The following CHD6 variants were observed in gnomAD, a reference collection of about 807,000 sequenced individuals.
CHD6 encodes the protein chromodomain helicase DNA binding protein 6.
A neutral mutation model predicts 276.9 loss-of-function variants in CHD6; 50 were observed. The observed-to-expected ratio is 0.18, with a 90% CI of 0.14 to 0.23. The LOEUF (loss-of-function observed/expected upper bound fraction) is 0.23, where lower values mean the gene tolerates loss of function less well. Ranked by LOEUF, CHD6 falls within the 10% of genes least tolerant of loss-of-function variation. The pLI, the probability that CHD6 is intolerant of heterozygous loss-of-function variation, is 1.00. For missense variants in CHD6, 2,564 were observed against 3,365.8 expected, an observed-to-expected ratio of 0.76 and a Z score of 5.89; for synonymous variants, 1,173 against 1,229.3, an observed-to-expected ratio of 0.95 and a Z score of 0.96.
intron 3 of CHD6, among the ~76,000 whole-genome samples, chr20:41,518,069 GTTTC>G (rs1388301562): frequency 2.6e-5 from 4 of 152,228 alleles, no homozygotes; most frequent in East Asian, 3.9e-4. Context: ...TTAGAAAAAG[GTTTC>G]TTTGACACAA....
chr20:41,573,603 G>T (rs1285776358), intron 1 of CHD6, among the ~76,000 whole-genome samples: 4 of 152,052 alleles, frequency 2.6e-5, no homozygotes, highest in African/African-American at 9.7e-5. Flanking sequence ...AAGAAAGAGG[G>T]TTAAGACCTA....
intron 1 of CHD6, among the ~76,000 whole-genome samples, chr20:41,612,731 T>C (rs1192373017): frequency 6.6e-6 from 1 of 152,222 alleles, no homozygotes; most frequent in Admixed American, 6.5e-5. Flanking sequence ...CCAAAGTAGA[T>C]AGAGTCCAGA....
chr20:41,586,217 C>T (rs898387784), intron 1 of CHD6, among the ~76,000 whole-genome samples: 10 of 152,166 alleles, frequency 6.6e-5, no homozygotes, highest in Admixed American at 3.3e-4. Flanking sequence ...GTGTTTGTTC[C>T]GGCTCAAGCT....
rs2046959917 is a variant in CHD6, at chr20:41,415,280, G to C, written c.6845C>G (p.Ala2282Gly). ...IVNGSLRRDD[A>G]ATRRRRGRRK... is the part of the protein sequence containing the mutation. The stretch of plus-strand genomic sequence containing the variant: ...CCTCCCTCTCCGCCTCCTCGTGGCT[G>C]CATCATCTCTTCTGAGGCTTCCATT... The change falls in exon 34 of 37, where the codon GCA (alanine) becomes GGA (glycine). Residue 2282 changes from alanine to glycine, a missense_variant. Around this residue, in one of 7 missense-constraint regions of CHD6, gnomAD observed 1,024 missense variants for 1,047.9 expected, o/e 0.98. Transcript: ENST00000373233. The C allele has an allele frequency of 6.2e-7, 1 of 1,614,062 alleles. No individual in the cohort carries two copies. Among genetic ancestry groups the C allele is most frequent in the Non-Finnish European group, 8.5e-7 (1 of 1,180,042 alleles).
chr20:41,578,625 A>G (rs1238175410), intron 1 of CHD6, among the ~76,000 whole-genome samples: 1 of 150,164 alleles, frequency 6.7e-6, no homozygotes, highest in African/African-American at 2.5e-5. Flanking sequence ...GGTCGCAGTG[A>G]GCCGAGATCG....
intron 36 of CHD6, 130 bp downstream of exon 36, chr20:41,412,014 G>T: frequency 7.6e-7 from 1 of 1,319,800 alleles, no homozygotes; most frequent in Non-Finnish European, 1.0e-6. Flanking sequence ...TCCTGTGCTG[G>T]CTTCTAGTCC....
rs199996103 is a variant in CHD6 at position 41,451,098 on chromosome 20, A to G, written c.3531T>C (p.Ser1177=). The change falls in exon 23 of 37, where the codon TCT becomes TCC. Residue 1177 remains serine (S), a synonymous_variant. Coordinates refer to ENST00000373233, the MANE Select transcript of CHD6 (RefSeq NM_032221.5). The part of the protein sequence containing the change: ...AQTLQNHSGL[S]APVPRGRKGK... ...CCTTCCTCCCTCTGGGGACTGGGGC[A>G]GATAAGCCTGAAACAGAAAGACAGC... The G allele has an allele frequency of 4.0e-5, 65 of 1,613,616 alleles. No homozygotes were observed. Among genetic ancestry groups the G allele is most frequent in the Admixed American group, 1.5e-4 (9 of 60,004 alleles).
intron 24 of CHD6, among the ~76,000 whole-genome samples, chr20:41,447,125 T>C (rs1207587267): frequency 6.6e-6 from 1 of 152,226 alleles, no homozygotes; most frequent in African/African-American, 2.4e-5. Context: ...GGGTTGTCTA[T>C]GTCCCTCTCT....
At chr20:41,477,155 T>C (rs942866093) in intron 16 of CHD6, among the ~76,000 whole-genome samples, 12 of 152,098 alleles carry the variant, frequency 7.9e-5, no homozygotes, top group Admixed American at 7.9e-4. Flanking sequence ...GTGGGAGGAT[T>C]GCTTGGGCCC....
chr20:41,473,467 G>A lies in CHD6; in HGVS notation c.2519C>T (p.Ala840Val). The A allele has an allele frequency of 6.2e-7, 1 of 1,614,108 alleles. No homozygotes were observed. Among genetic ancestry groups the A allele is most frequent in the Non-Finnish European group, 8.5e-7 (1 of 1,180,006 alleles). Residue 840 changes from alanine (A) to valine (V), a missense_variant, in exon 17 of 37, where the codon GCA (alanine) becomes GTA (valine). Coordinates refer to ENST00000373233, the MANE Select transcript of CHD6 (RefSeq NM_032221.5). This position sits in a 1 kb window ranked among gnomAD's most constrained non-coding sequence, Gnocchi z 4.1. The part of the protein sequence containing the change: ...DGRVRGNLRQ[A>V]AIDRFCKPDS... ...TGGCTTACAGAACCGGTCGATGGCT[G>A]CCTGGCGCAGGTTTCCCCGTACTCG...
At chr20:41,555,096 C>T (rs2045205260) in intron 1 of CHD6, among the ~76,000 whole-genome samples, 1 of 140,252 alleles carries the variant, frequency 7.1e-6, no homozygotes. Context: ...GGGCGGCTTG[C>T]CGGGCGGGGG....
At chr20:41,521,565 A>C (rs1429106027) in intron 3 of CHD6, among the ~76,000 whole-genome samples, 1 of 152,174 alleles carries the variant, frequency 6.6e-6, no homozygotes, top group East Asian at 1.9e-4. Context: ...ATGTGTGTAG[A>C]TATATGTATA....
In CHD6 at chr20:41,402,969, A is replaced by C. The variant is rs2046573030; in HGVS notation, c.*1624T>G. 4.8e-6 allele frequency: 1 copy of C among 207,944 alleles called. No homozygotes were observed. Among genetic ancestry groups the C allele is most frequent in the Non-Finnish European group, 9.8e-6 (1 of 101,876 alleles). The allele number at this position is 207,944 out of a possible 1,614,324, so 12.9% of individuals were successfully genotyped here. A position where few individuals can be genotyped will look rare whatever the true frequency, so the allele number is the denominator to read the frequency against. On this transcript the variant is annotated 3_prime_UTR_variant, in exon 37 of 37. Coordinates refer to ENST00000373233, the MANE Select transcript of CHD6 (RefSeq NM_032221.5). ...CTCTGATTCATAAAACTGGGACTCC[A>C]CTTTTTGAAGATACATCTGATTGAT... is the stretch of plus-strand genomic sequence containing the variant.
chr20:41,543,858 T>G (rs1378320855), intron 2 of CHD6, among the ~76,000 whole-genome samples: 1 of 152,170 alleles, frequency 6.6e-6, no homozygotes, highest in East Asian at 1.9e-4. Context: ...ACAAACCATA[T>G]CAAAATGAAA....
At chr20:41,427,400 T>C (rs2047400211) in intron 27 of CHD6, among the ~76,000 whole-genome samples, 1 of 152,202 alleles carries the variant, frequency 6.6e-6, no homozygotes, top group Admixed American at 6.5e-5. Context: ...ACCTTTTACA[T>C]GGCTCATCTC....
intron 1 of CHD6, among the ~76,000 whole-genome samples, chr20:41,607,984 C>A (rs1015440986): frequency 1.3e-5 from 2 of 152,104 alleles, no homozygotes; most frequent in Admixed American, 1.3e-4. Context: ...TACTATGTGT[C>A]CTTAAGGAAG....
At chr20:41,424,103 A>T (rs2047285010) in intron 29 of CHD6, among the ~76,000 whole-genome samples, 1 of 152,180 alleles carries the variant, frequency 6.6e-6, no homozygotes, top group East Asian at 1.9e-4. Flanking sequence ...GGCAATATAG[A>T]AGCAGAGAAT....
At chr20:41,464,787 G>C (rs1047369702) in intron 17 of CHD6, among the ~76,000 whole-genome samples, 1 of 152,148 alleles carries the variant, frequency 6.6e-6, no homozygotes. Context: ...AAGAAAGCAA[G>C]GATCGTTGGA....
intron 31 of CHD6, among the ~76,000 whole-genome samples, chr20:41,417,652 C>A (rs939201884): frequency 6.6e-6 from 1 of 152,132 alleles, no homozygotes; most frequent in Non-Finnish European, 1.5e-5. Context: ...AAAGAGATGA[C>A]TAACCACAAA....
Sources: allele counts gnomAD v4.1 joint callset (sites outside exome capture counted in the v4.1 genomes callset), GRCh38; gene constraint gnomAD v4.1.1; regional missense constraint gnomAD v4.1.1; non-coding constraint Gnocchi (gnomAD v3.1); transcripts MANE v1.5; gene names NCBI Gene and HGNC (gene_info 2026-07-23, HGNC 2026-07-21).